The following GPR176 variants were observed in gnomAD, a reference collection of about 807,000 sequenced individuals.
GPR176 encodes the protein G protein-coupled receptor 176.
Under a neutral mutation model 35.4 loss-of-function variants are expected in GPR176, and 26 were observed. The ratio of observed to expected loss-of-function variants is 0.74; its 90% CI spans 0.54 to 1.02. GPR176 has a LOEUF of 1.02. Ranked by LOEUF, GPR176 falls within the 50% of genes least tolerant of loss-of-function variation. The probability of loss-of-function intolerance (pLI) is 0.00; values close to 1 mark genes in which losing one functional copy is unlikely to be tolerated. For synonymous variants in GPR176, 278 were observed against 271.3 expected (o/e 1.02, Z -0.24); for missense variants, 597 against 665.3 (o/e 0.90, Z 1.13).
chr15:39,801,423 C>T lies in GPR176; in HGVS notation c.1257G>A (p.Ala419=), dbSNP rs758625482. 19 of 1,614,058 alleles carry T rather than the reference C, an allele frequency of 1.2e-5. No homozygotes were observed. Among genetic ancestry groups the T allele is most frequent in the African/African-American group, 8.0e-5 (6 of 74,938 alleles). Residue 419 remains alanine, a synonymous_variant, in exon 3 of 3, where the codon GCG becomes GCA. Coordinates refer to ENST00000561100, the MANE Select transcript of GPR176 (RefSeq NM_007223.3). ...CTGTGCTCAGGGGTGGGGCAGAGGG[C>T]GCAAACTGTGGCCCCTGCTCTCCCT... ...CLEGEQGPQF[A]PSAPPLSTVD...
intron 1 of GPR176, among the ~76,000 whole-genome samples, chr15:39,808,652 T>A (rs1225537229): frequency 6.6e-6 from 1 of 152,218 alleles, no homozygotes; most frequent in Admixed American, 6.5e-5. Context: ...AAAAACTGTA[T>A]CAATCTTGTT....
intron 1 of GPR176, among the ~76,000 whole-genome samples, chr15:39,918,762 G>C (rs764420305): frequency 6.6e-6 from 1 of 152,154 alleles, no homozygotes; most frequent in Non-Finnish European, 1.5e-5. Context: ...TACTATGATA[G>C]AGTAAAATGG....
intron 1 of GPR176, among the ~76,000 whole-genome samples, chr15:39,882,081 A>C (rs4924397): frequency 0.27 from 40,897 of 152,138 alleles, 6,076 homozygotes; most frequent in Non-Finnish European, 0.34. Flanking sequence ...TGCTTTCTGG[A>C]ATGAAATTGA....
chr15:39,820,580 A>G (rs1190260898), intron 1 of GPR176, among the ~76,000 whole-genome samples: 2 of 152,202 alleles, frequency 1.3e-5, no homozygotes, highest in South Asian at 2.1e-4. Flanking sequence ...ACCCAGAATA[A>G]TATCTGTAGT....
chr15:39,889,863 T>C (rs1473284606), intron 1 of GPR176, among the ~76,000 whole-genome samples: 1 of 152,130 alleles, frequency 6.6e-6, no homozygotes, highest in African/African-American at 2.4e-5. Flanking sequence ...AGAGAAAAGC[T>C]AGTCTCAGCA....
intron 1 of GPR176, among the ~76,000 whole-genome samples, chr15:39,824,889 T>A (rs1464084605): frequency 6.6e-6 from 1 of 152,170 alleles, no homozygotes; most frequent in Non-Finnish European, 1.5e-5. Context: ...GATTTTTTTT[T>A]AAACTAATAC....
chr15:39,840,002 G>A (rs1290553443), intron 1 of GPR176, among the ~76,000 whole-genome samples: 1 of 152,190 alleles, frequency 6.6e-6, no homozygotes, highest in African/African-American at 2.4e-5. Flanking sequence ...GAGAGGATGT[G>A]GAGAAATAGG....
At chr15:39,832,517 G>A (rs1901154066) in intron 1 of GPR176, among the ~76,000 whole-genome samples, 1 of 152,070 alleles carries the variant, frequency 6.6e-6, no homozygotes, top group African/African-American at 2.4e-5. Flanking sequence ...GGTTCTAGGG[G>A]AAAATCCATT....
At chr15:39,837,991 A>AT (rs1208115913) in intron 1 of GPR176, among the ~76,000 whole-genome samples, 4 of 99,610 alleles carry the variant, frequency 4.0e-5, no homozygotes, top group South Asian at 7.1e-4. Flanking sequence ...AACTCCATTA[A>AT]TTAAAAAAAA....
intron 1 of GPR176, among the ~76,000 whole-genome samples, chr15:39,839,756 T>C (rs1192105081): frequency 6.6e-6 from 1 of 152,100 alleles, no homozygotes; most frequent in African/African-American, 2.4e-5. Flanking sequence ...ATCCAGAATC[T>C]ACAAAGAACT....
intron 2 of GPR176, among the ~76,000 whole-genome samples, chr15:39,804,889 A>C (rs576599228): frequency 2.0e-5 from 3 of 152,312 alleles, no homozygotes; most frequent in Non-Finnish European, 4.4e-5. Flanking sequence ...AATAAAGCAA[A>C]CATATAGAAA....
chr15:39,812,388 T>C (rs1340660756), intron 1 of GPR176, among the ~76,000 whole-genome samples: 1 of 152,200 alleles, frequency 6.6e-6, no homozygotes, highest in Non-Finnish European at 1.5e-5. Flanking sequence ...GGCTAAGTCT[T>C]CTGGCCTCCA....
intron 1 of GPR176, among the ~76,000 whole-genome samples, chr15:39,846,811 A>T (rs146669836): frequency 0.014 from 2,203 of 152,290 alleles, 51 homozygotes; most frequent in African/African-American, 0.051. Flanking sequence ...TAAGAAAGAA[A>T]ATTATAAAAG....
At chr15:39,876,096 A>G (rs933544841) in intron 1 of GPR176, among the ~76,000 whole-genome samples, 6 of 151,902 alleles carry the variant, frequency 3.9e-5, no homozygotes, top group African/African-American at 1.5e-4. Context: ...GACTGCAGTG[A>G]GCCACGATCC....
intron 1 of GPR176, among the ~76,000 whole-genome samples, chr15:39,904,650 G>C (rs757169752): frequency 2.0e-5 from 3 of 152,180 alleles, no homozygotes; most frequent in Non-Finnish European, 4.4e-5. Flanking sequence ...ATTGTTTTCT[G>C]TTTGAGAAAC....
chr15:39,846,310 C>T (rs275755), intron 1 of GPR176, among the ~76,000 whole-genome samples: 10,799 of 152,252 alleles, frequency 0.071, 1,235 homozygotes, highest in African/African-American at 0.24. Flanking sequence ...CATTCCTGGG[C>T]ATAGGCCAAG....
intron 1 of GPR176, among the ~76,000 whole-genome samples, chr15:39,881,017 A>G (rs530134563): frequency 6.6e-6 from 1 of 152,230 alleles, no homozygotes; most frequent in East Asian, 1.9e-4. Context: ...CCTAGAAGAC[A>G]AACTCAAAGC....
In GPR176 at chr15:39,799,524, G is replaced by A. The variant is rs1898728725; in HGVS notation, c.*1608C>T. ...GAAACACAAGACACCACACCCAAGAGAAGAAAGGAAAACAAAACTCCCTAC... is the reference window on the plus strand; with the variant it reads ...GAAACACAAGACACCACACCCAAGAAAAGAAAGGAAAACAAAACTCCCTAC... On this transcript the variant is annotated 3_prime_UTR_variant, in exon 3 of 3. Transcript: ENST00000561100. The A allele has an allele frequency of 6.6e-6, 1 of 152,244 alleles. No homozygotes were observed. Among genetic ancestry groups the A allele is most frequent in the Middle Eastern group, 3.2e-3 (1 of 316 alleles). 9.4% of individuals were successfully genotyped at this position (152,244 alleles called of 1,614,324 possible). A position where few individuals can be genotyped will look rare whatever the true frequency, so the allele number is the denominator to read the frequency against.
In GPR176 at chr15:39,911,031, G is replaced by C. The variant is rs534313000; in HGVS notation, c.172+8824C>G. Among the ~76,000 whole-genome samples, 7 of 151,096 alleles carry C rather than the reference G, an allele frequency of 4.6e-5. No homozygotes were observed. The East Asian group carries it at 1.4e-3, about 29-fold the overall frequency. On this transcript the variant is annotated intron_variant, in intron 1 of 2. Transcript: ENST00000561100. ...CCAGTCTGAGCAAGAGTGAGACTCT[G>C]TATCAAAAAAATAAAATAAATAAAA... is the stretch of plus-strand genomic sequence containing the variant.
Sources: gnomAD v4.1 joint callset for allele counts (sites outside exome capture counted in the v4.1 genomes callset) on GRCh38, gnomAD v4.1.1 for gene constraint, MANE v1.5 for transcripts, NCBI Gene and HGNC (gene_info 2026-07-23, HGNC 2026-07-21) for gene names.